DCX: variants seen among roughly 807,000 people sequenced by gnomAD.
DCX encodes the protein doublecortin, also known as neuronal migration protein doublecortin.
A neutral mutation model predicts 20.9 loss-of-function variants in DCX; 4 were observed. The observed-to-expected ratio is 0.19, with a 90% CI of 0.09 to 0.44. DCX has a LOEUF of 0.44. Ranked by LOEUF, DCX falls within the 20% of genes least tolerant of loss-of-function variation. DCX has a pLI of 0.99. For missense variants in DCX, 133 were observed against 296.9 expected, an observed-to-expected ratio of 0.45 and a Z score of 4.06; for synonymous variants, 103 against 111.4, an observed-to-expected ratio of 0.92 and a Z score of 0.47.
rs781177216 is a variant in DCX at position 111,357,259 on chromosome X, C to T, written c.706-24106G>A. On this transcript the variant is annotated intron_variant, in intron 3 of 6. Coordinates refer to ENST00000636035, the MANE Select transcript of DCX (RefSeq NM_001195553.2). ...AACCCAAGTTTAGGTCCATCTAGTC[C>T]ACTAAGTAACTATGTAACCTTGGTA... Among the ~76,000 whole-genome samples the T allele has an allele frequency of 3.6e-5, 4 of 111,607 alleles. No individual in the cohort carries two copies. The South Asian group carries it at 1.5e-3, about 43-fold the overall frequency.
At chrX:111,325,915 T>A (rs1216335452) in intron 5 of DCX, among the ~76,000 whole-genome samples, 2 of 111,833 alleles carry the variant, frequency 1.8e-5, no homozygotes, top group East Asian at 5.6e-4. Context: ...TGAGCAGAGC[T>A]GGTCTAGACA....
At chrX:111,316,086 T>TAAAAAAAAA (rs754058802) in intron 5 of DCX, among the ~76,000 whole-genome samples, 280 of 50,486 alleles carry the variant, frequency 5.5e-3, no homozygotes, top group Non-Finnish European at 8.6e-3. Context: ...TAATAAAAAA[T>TAAAAAAAAA]AAAAAAAAAA....
chrX:111,351,174 A>G (rs752895280), intron 3 of DCX, among the ~76,000 whole-genome samples: 1 of 111,988 alleles, frequency 8.9e-6, no homozygotes, highest in South Asian at 3.8e-4. Context: ...AAGATAGGTA[A>G]GAGGATACAG....
Position 111,296,246 on chromosome X carries a change from C to A in DCX, c.*5441G>T, listed in dbSNP as rs751638117. On this transcript the variant is annotated 3_prime_UTR_variant, in exon 7 of 7. Coordinates refer to ENST00000636035, the MANE Select transcript of DCX (RefSeq NM_001195553.2). ...AGGTTATTGACCTAGTAATGAGAAACGCTAATGCCTTCAAGTCTTTGCCTT... is the reference window on the plus strand; with the variant it reads ...AGGTTATTGACCTAGTAATGAGAAAAGCTAATGCCTTCAAGTCTTTGCCTT... 8.9e-6 allele frequency: 1 copy of A among 111,788 alleles called. No individual in the cohort carries two copies. The highest frequency in any genetic ancestry group is 1.9e-5 in the Non-Finnish European group (1 of 53,192). The allele number at this position is 111,788 out of a possible 1,213,427, so 9.2% of individuals were successfully genotyped here. A position where few individuals can be genotyped will look rare whatever the true frequency, so the allele number is the denominator to read the frequency against.
chrX:111,358,590 G>A (rs1923949062), intron 3 of DCX, among the ~76,000 whole-genome samples: 1 of 111,899 alleles, frequency 8.9e-6, no homozygotes, highest in South Asian at 3.7e-4. Flanking sequence ...AAACAAGAAG[G>A]AACATTAAAC....
At chrX:111,382,545 T>C (rs1926058509) in intron 3 of DCX, among the ~76,000 whole-genome samples, 1 of 112,094 alleles carries the variant, frequency 8.9e-6, no homozygotes, top group Admixed American at 9.5e-5. Flanking sequence ...AGAAGCATTT[T>C]ACTAGGGCTT....
At chrX:111,377,220 T>A (rs1313945589) in intron 3 of DCX, among the ~76,000 whole-genome samples, 1 of 111,729 alleles carries the variant, frequency 9.0e-6, no homozygotes, top group East Asian at 2.8e-4. Flanking sequence ...TACCCTCCAG[T>A]ATCTCTCATT....
At chrX:111,408,694 G>GAAA (rs60242263) in intron 2 of DCX, among the ~76,000 whole-genome samples, 19 of 109,522 alleles carry the variant, frequency 1.7e-4, no homozygotes, top group South Asian at 8.0e-4. Flanking sequence ...AAGAAAGAAA[G>GAAA]GAAGGAAGTC....
At chrX:111,380,143 TTTATTGATG>T (rs763371347) in intron 3 of DCX, among the ~76,000 whole-genome samples, 78 of 112,139 alleles carry the variant, frequency 7.0e-4, no homozygotes, top group Middle Eastern at 4.6e-3. Context: ...ATATTTCCAC[TTTATTGATG>T]TATCATGTGC....
intron 3 of DCX, among the ~76,000 whole-genome samples, chrX:111,396,157 T>C (rs757893942): frequency 2.7e-5 from 3 of 112,243 alleles, no homozygotes; most frequent in Non-Finnish European, 5.6e-5. Context: ...ATCTGTGTAT[T>C]ATGCATCAAC....
chrX:111,333,202 T>A (rs969673076), intron 3 of DCX, 49 bp from the exon 4 acceptor site: 1 of 945,755 alleles, frequency 1.1e-6, no homozygotes, highest in African/African-American at 1.9e-5. Context: ...CCTGTGACAA[T>A]GAACCTCACA....
chrX:111,382,327 C>T (rs1031772070), intron 3 of DCX, among the ~76,000 whole-genome samples: 1 of 112,021 alleles, frequency 8.9e-6, no homozygotes, highest in African/African-American at 3.2e-5. Context: ...ATCAGAATTG[C>T]TTGTGGAGCT....
In DCX at chrX:111,332,503, C is replaced by A. The variant is rs180677172; in HGVS notation, c.808+548G>T. On this transcript the variant is annotated intron_variant, in intron 4 of 6. Coordinates refer to ENST00000636035, the MANE Select transcript of DCX (RefSeq NM_001195553.2). ...TTAATGTATACCTGGAGCTTGGACT[C>A]AAACCAAGGGAGATGGGAAGACGAT... 3.5e-3 allele frequency among the ~76,000 whole-genome samples: 395 copies of A among 111,653 alleles called. 2 individuals are homozygous for A. Among genetic ancestry groups the A allele is most frequent in the African/African-American group, 0.012 (375 of 30,687 alleles).
chrX:111,336,138 C>T (rs910016915), intron 3 of DCX, among the ~76,000 whole-genome samples: 2 of 111,717 alleles, frequency 1.8e-5, no homozygotes, highest in Non-Finnish European at 1.9e-5. Context: ...AAGAAGAAAA[C>T]CTAAAAGCTC....
At chrX:111,367,592 C>G (rs1334988302) in intron 3 of DCX, among the ~76,000 whole-genome samples, 1 of 111,825 alleles carries the variant, frequency 8.9e-6, no homozygotes, top group African/African-American at 3.2e-5. Flanking sequence ...ATGCCTATCC[C>G]CTTTGTCTTT....
Position 111,298,786 on chromosome X carries a change from A to G in DCX, c.*2901T>C, listed in dbSNP as rs2095027157. ...TGCTAATGGCTATCCTTTCCAAAACAGTGAAGAGAAAAGGAGCTTTTCTCT... is the reference window on the plus strand; with the variant it reads ...TGCTAATGGCTATCCTTTCCAAAACGGTGAAGAGAAAAGGAGCTTTTCTCT... On this transcript the variant is annotated 3_prime_UTR_variant, in exon 7 of 7. Transcript: ENST00000636035. 1 of 112,442 alleles carries G rather than the reference A, an allele frequency of 8.9e-6. No homozygotes were observed. Among genetic ancestry groups the G allele is most frequent in the Admixed American group, 9.4e-5 (1 of 10,608 alleles). 9.3% of individuals were successfully genotyped at this position (112,442 alleles called of 1,213,427 possible). A position where few individuals can be genotyped will look rare whatever the true frequency, so the allele number is the denominator to read the frequency against.
chrX:111,328,715 C>A (rs1242318169), intron 5 of DCX, among the ~76,000 whole-genome samples: 1 of 111,401 alleles, frequency 9.0e-6, no homozygotes, highest in Non-Finnish European at 1.9e-5. Flanking sequence ...GACTAGATCA[C>A]AAAAGGCAAT....
At chrX:111,411,890 G>A (rs900284864) in intron 1 of DCX, 57 of 111,930 alleles carry the variant, frequency 5.1e-4, no homozygotes, top group African/African-American at 1.8e-3. Flanking sequence ...ATGCCAGTAA[G>A]GCTTTGCTTT....
intron 3 of DCX, among the ~76,000 whole-genome samples, chrX:111,389,921 T>C (rs757974502): frequency 9.0e-6 from 1 of 111,487 alleles, no homozygotes; most frequent in Admixed American, 9.6e-5. Flanking sequence ...TAATTATGAG[T>C]TGCCATTCCC....
Sources: allele counts gnomAD v4.1 joint callset (sites outside exome capture counted in the v4.1 genomes callset), GRCh38; gene constraint gnomAD v4.1.1; transcripts MANE v1.5; gene names NCBI Gene and HGNC (gene_info 2026-07-23, HGNC 2026-07-21).